The following DPP6 variants were observed in gnomAD, a reference collection of about 807,000 sequenced individuals.
The protein encoded by DPP6 is dipeptidyl peptidase like 6, also known as A-type potassium channel modulatory protein DPP6.
A neutral mutation model predicts 122.6 loss-of-function variants in DPP6; 69 were observed. The observed-to-expected ratio is 0.56, with a 90% CI of 0.46 to 0.69. The LOEUF is 0.69. Ranked by LOEUF, DPP6 falls within the 30% of genes least tolerant of loss-of-function variation. The probability of loss-of-function intolerance (pLI) is 0.00; values close to 1 mark genes in which losing one functional copy is unlikely to be tolerated. For missense variants in DPP6, 928 were observed against 1,116.9 expected, an observed-to-expected ratio of 0.83 and a Z score of 2.41; for synonymous variants, 418 against 433.1, an observed-to-expected ratio of 0.97 and a Z score of 0.43.
intron 1 of DPP6, among the ~76,000 whole-genome samples, chr7:154,320,011 T>A (rs1234001081): frequency 7.9e-6 from 1 of 126,808 alleles, no homozygotes; most frequent in Non-Finnish European, 1.6e-5. Context: ...AATATATATA[T>A]ATATATATAT....
intron 1 of DPP6, among the ~76,000 whole-genome samples, chr7:154,354,592 T>G (rs1000897966): frequency 3.3e-5 from 5 of 152,222 alleles, no homozygotes; most frequent in African/African-American, 1.2e-4. Flanking sequence ...TTTGACACCT[T>G]CACCATCCAT....
the DPP6 span, among the ~76,000 whole-genome samples, chr7:153,828,201 G>A: frequency 6.6e-6 from 1 of 152,168 alleles, no homozygotes. Flanking sequence ...TGTCCGAGAG[G>A]GCCTGCAAAA....
chr7:153,992,580 T>G (rs1346754760), intron 1 of DPP6, among the ~76,000 whole-genome samples: 1 of 152,224 alleles, frequency 6.6e-6, no homozygotes, highest in East Asian at 1.9e-4. Context: ...CTCTCCAGCA[T>G]CTAATCCGTC....
rs775658655 is a variant in DPP6, at chr7:153,887,767, G to A, written c.51+33G>A. Reference sequence around the variant, plus strand: ...CCACGGACAGGGCGCGCGCTGGGTCGGGGGGACCCACCGTGAGGAGCGATG... The same window carrying A: ...CCACGGACAGGGCGCGCGCTGGGTCAGGGGGACCCACCGTGAGGAGCGATG... On this transcript the variant is annotated intron_variant, in intron 1 of 25. Coordinates refer to the DPP6 transcript ENST00000404039. 3 of 1,604,438 alleles carry A rather than the reference G, an allele frequency of 1.9e-6. No homozygotes were observed. Among genetic ancestry groups the A allele is most frequent in the East Asian group, 4.5e-5 (2 of 44,678 alleles).
intron 1 of DPP6, among the ~76,000 whole-genome samples, chr7:154,428,050 A>G (rs78532765): frequency 0.026 from 3,944 of 152,314 alleles, 179 homozygotes; most frequent in African/African-American, 0.091. Flanking sequence ...AAAGAAACCT[A>G]GGTAAATTGA....
At chr7:154,831,344 C>T (rs1362906872) in intron 16 of DPP6, among the ~76,000 whole-genome samples, 1 of 152,174 alleles carries the variant, frequency 6.6e-6, no homozygotes, top group East Asian at 1.9e-4. Context: ...AGAGACCCTC[C>T]CTACTCCAGG....
chr7:154,697,447 C>T (rs1160638182), intron 7 of DPP6, among the ~76,000 whole-genome samples: 1 of 152,234 alleles, frequency 6.6e-6, no homozygotes, highest in Non-Finnish European at 1.5e-5. Flanking sequence ...GGAAAGAGCC[C>T]AGGATCCTGC....
intron 3 of DPP6, among the ~76,000 whole-genome samples, chr7:154,489,583 C>A (rs1197919082): frequency 1.3e-5 from 2 of 152,012 alleles, no homozygotes; most frequent in Non-Finnish European, 2.9e-5. Flanking sequence ...AAATAAGTGC[C>A]AACCTCACAT....
chr7:154,438,068 C>G (rs537272259), intron 1 of DPP6, among the ~76,000 whole-genome samples: 8 of 152,256 alleles, frequency 5.3e-5, no homozygotes, highest in Middle Eastern at 3.4e-3. Context: ...CCTCAGGAAC[C>G]AGGGAGCAGG....
At chr7:153,924,374 C>G (rs1800791822) in intron 1 of DPP6, among the ~76,000 whole-genome samples, 1 of 152,138 alleles carries the variant, frequency 6.6e-6, no homozygotes, top group African/African-American at 2.4e-5. Flanking sequence ...CCCCAAAGTG[C>G]TGGGATTACA....
intron 1 of DPP6, among the ~76,000 whole-genome samples, chr7:153,925,451 C>G: frequency 6.9e-6 from 1 of 145,860 alleles, no homozygotes; most frequent in East Asian, 2.0e-4. Flanking sequence ...GGAAGGTCCC[C>G]GAGGTTCTGA....
chr7:154,168,732 G>A (rs534636329), intron 1 of DPP6, among the ~76,000 whole-genome samples: 135 of 152,278 alleles, frequency 8.9e-4, no homozygotes, highest in Non-Finnish European at 1.2e-3. Flanking sequence ...GATTTAGAGC[G>A]ACTTGTCAAA....
intron 1 of DPP6, among the ~76,000 whole-genome samples, chr7:154,250,729 A>G (rs1036485753): frequency 6.6e-6 from 1 of 152,144 alleles, no homozygotes; most frequent in Non-Finnish European, 1.5e-5. Flanking sequence ...GACTGAATGA[A>G]GTCCCCGTCA....
rs147229144 is a variant in DPP6 at position 154,262,819 on chromosome 7, G to A, written c.244-183395G>A. Among the ~76,000 whole-genome samples, 51 of 152,238 alleles carry A rather than the reference G, an allele frequency of 3.4e-4. No individual in the cohort carries two copies. The East Asian group carries it at 5.8e-3, about 17-fold the overall frequency. On this transcript the variant is annotated intron_variant, in intron 1 of 25. Transcript: ENST00000377770. ...TTAGTAATTTTTTTGTGGCCCAGCT[G>A]AGGATAGCTTCTCGAGATACCCTTA... is the stretch of plus-strand genomic sequence containing the variant.
intron 1 of DPP6, among the ~76,000 whole-genome samples, chr7:154,101,801 G>T (rs192122524): frequency 2.6e-5 from 4 of 151,494 alleles, no homozygotes; most frequent in Non-Finnish European, 5.9e-5. Context: ...TGTGGCGGGC[G>T]CATGTAATCC....
At chr7:154,870,507 G>A (rs1393946212) in intron 18 of DPP6, among the ~76,000 whole-genome samples, 2 of 152,120 alleles carry the variant, frequency 1.3e-5, no homozygotes, top group East Asian at 3.9e-4. Flanking sequence ...TTGGGAGGCT[G>A]AGGCACGAGA....
At chr7:154,570,055 G>A (rs1831016856) in intron 5 of DPP6, among the ~76,000 whole-genome samples, 1 of 151,742 alleles carries the variant, frequency 6.6e-6, no homozygotes, top group Admixed American at 6.6e-5. Flanking sequence ...GTATACCCAG[G>A]GCCAGATTTA....
the DPP6 span, among the ~76,000 whole-genome samples, chr7:153,869,877 C>G: frequency 6.6e-6 from 1 of 152,152 alleles, no homozygotes; most frequent in African/African-American, 2.4e-5. Context: ...ATTTGCTTGT[C>G]TGTAAAGTAT....
In DPP6 at chr7:154,878,812, G is replaced by A. The variant is rs543559310; in HGVS notation, c.2079-2076G>A. 1.9e-4 allele frequency among the ~76,000 whole-genome samples: 29 copies of A among 152,316 alleles called. No individual in the cohort carries two copies. In the South Asian group the frequency reaches 5.6e-3, roughly 29 times the overall value. The stretch of plus-strand genomic sequence containing the variant: ...GGGCTCAACTTGGGATTTTCTTCAC[G>A]ATTGTTTCTTTTGGGTCCTACGTGC... On this transcript the variant is annotated intron_variant, in intron 20 of 25. Transcript: ENST00000377770.
Sources: gnomAD v4.1 joint callset for allele counts (sites outside exome capture counted in the v4.1 genomes callset) on GRCh38, gnomAD v4.1.1 for gene constraint, MANE v1.5 for transcripts, NCBI Gene and HGNC (gene_info 2026-07-23, HGNC 2026-07-21) for gene names.